The following GABBR2 variants were observed in gnomAD, a reference collection of about 807,000 sequenced individuals.
GABBR2 encodes the protein gamma-aminobutyric acid type B receptor subunit 2.
Under a neutral mutation model 105.6 loss-of-function variants are expected in GABBR2, and 23 were observed. The ratio of observed to expected loss-of-function variants is 0.22; its 90% CI spans 0.16 to 0.31. The LOEUF (loss-of-function observed/expected upper bound fraction) is 0.31. Ranked by LOEUF, GABBR2 falls within the 10% of genes least tolerant of loss-of-function variation. GABBR2 has a pLI of 1.00. For synonymous variants in GABBR2, 478 were observed against 499.7 expected, an observed-to-expected ratio of 0.96 and a Z score of 0.58; for missense variants, 734 against 1,245.5, an observed-to-expected ratio of 0.59 and a Z score of 6.18.
chr9:98,606,007 G>A (rs1829414231), intron 1 of GABBR2, among the ~76,000 whole-genome samples: 1 of 151,782 alleles, frequency 6.6e-6, no homozygotes, highest in Non-Finnish European at 1.5e-5. Flanking sequence ...TCCCACCTAT[G>A]AGTGAGAACA....
intron 7 of GABBR2, among the ~76,000 whole-genome samples, chr9:98,451,985 G>T (rs1168514703): frequency 2.0e-5 from 3 of 152,096 alleles, no homozygotes; most frequent in Non-Finnish European, 4.4e-5. Context: ...AATCCCTCTG[G>T]GCTCGGGCTT....
chr9:98,350,795 G>C (rs1426745898), intron 13 of GABBR2, among the ~76,000 whole-genome samples: 1 of 152,098 alleles, frequency 6.6e-6, no homozygotes, highest in Admixed American at 6.5e-5. Context: ...CTTCTTTGTT[G>C]AGTTTCTGTC....
rs190378878 is a variant in GABBR2 at position 98,566,305 on chromosome 9, A to G, written c.459+11630T>C. 3.3e-5 allele frequency among the ~76,000 whole-genome samples: 5 copies of G among 152,284 alleles called. No individual in the cohort carries two copies. In the South Asian group the frequency reaches 1.0e-3, roughly 32 times the overall value. ...TGAAGTTTGAGAACCACTGCCATAAAAAAAGCCCATTTTTAGTCAATTTTC... is the reference window on the plus strand; with the variant it reads ...TGAAGTTTGAGAACCACTGCCATAAGAAAAGCCCATTTTTAGTCAATTTTC... On this transcript the variant is annotated intron_variant, in intron 2 of 18. Coordinates refer to ENST00000259455, the MANE Select transcript of GABBR2 (RefSeq NM_005458.8).
At chr9:98,706,538 C>T (rs917238145) in intron 1 of GABBR2, among the ~76,000 whole-genome samples, 1 of 152,202 alleles carries the variant, frequency 6.6e-6, no homozygotes, top group African/African-American at 2.4e-5. Context: ...TCCTTTCACT[C>T]AGAAAGTCAT....
At position 98,306,096 on chromosome 9, in the gene GABBR2, C is replaced by G. The variant is rs776796127; in HGVS notation, c.2229+25G>C. On this transcript the variant is annotated intron_variant, in intron 15 of 18. Transcript: ENST00000259455. The surrounding 1 kb of genome is among the most constrained non-coding windows in gnomAD (Gnocchi z 5.4). ...TGTGCTGGAGTCAGAGGGCAGAGGCCAGGTGGTGGGGCCAGCGCCTGTACC... is the reference window on the plus strand; with the variant it reads ...TGTGCTGGAGTCAGAGGGCAGAGGCGAGGTGGTGGGGCCAGCGCCTGTACC... 3 of 1,549,634 alleles carry G rather than the reference C, an allele frequency of 1.9e-6. No homozygotes were observed. The South Asian group carries it at 3.4e-5, about 17-fold the overall frequency.
At chr9:98,617,240 G>A (rs968906107) in intron 1 of GABBR2, among the ~76,000 whole-genome samples, 1 of 152,196 alleles carries the variant, frequency 6.6e-6, no homozygotes, top group Non-Finnish European at 1.5e-5. Context: ...GCCGGCTCTG[G>A]GTTGGGTGCT....
chr9:98,684,183 A>AAAAAAAAG (rs1830592374), intron 1 of GABBR2, among the ~76,000 whole-genome samples: 4 of 147,532 alleles, frequency 2.7e-5, no homozygotes, highest in Non-Finnish European at 3.0e-5. Context: ...AAAAAAAAAA[A>AAAAAAAAG]AAAAAAAAAA....
chr9:98,357,380 G>A (rs757720181), intron 13 of GABBR2, among the ~76,000 whole-genome samples: 17 of 152,264 alleles, frequency 1.1e-4, no homozygotes, highest in Non-Finnish European at 2.1e-4. Context: ...GGGCATGGTG[G>A]CTCATTCCTG....
chr9:98,703,003 T>G (rs912924755), intron 1 of GABBR2, among the ~76,000 whole-genome samples: 4 of 152,224 alleles, frequency 2.6e-5, no homozygotes, highest in Admixed American at 6.5e-5. Context: ...AGGGCAGAAG[T>G]TCTAGGCCTG....
rs570467983 is a variant in GABBR2, at chr9:98,514,500, G to A, written c.631-17986C>T. 5.3e-5 allele frequency among the ~76,000 whole-genome samples: 8 copies of A among 150,520 alleles called. No individual in the cohort carries two copies. The South Asian group carries it at 1.7e-3, about 32-fold the overall frequency. ...AATGATGAGTTCATGTCCTTTGCAG[G>A]GACATGGATGAATCTGGAAACCACC... is the stretch of plus-strand genomic sequence containing the variant. On this transcript the variant is annotated intron_variant, in intron 3 of 18. Transcript: ENST00000259455.
intron 1 of GABBR2, among the ~76,000 whole-genome samples, chr9:98,580,251 C>G (rs1327495023): frequency 6.6e-6 from 1 of 152,164 alleles, no homozygotes; most frequent in African/African-American, 2.4e-5. Flanking sequence ...TCACTCCTTC[C>G]CATCAATCAG....
chr9:98,367,331 A>C (rs1050177791), intron 12 of GABBR2, among the ~76,000 whole-genome samples: 1 of 151,722 alleles, frequency 6.6e-6, no homozygotes, highest in Admixed American at 6.5e-5. Context: ...GGGCCACTAA[A>C]AAAAGTCCAA....
chr9:98,676,436 C>T (rs7033525), intron 1 of GABBR2, among the ~76,000 whole-genome samples: 18 of 152,214 alleles, frequency 1.2e-4, no homozygotes, highest in African/African-American at 3.6e-4. Context: ...TAATATGCCA[C>T]ACCATTATCT....
At chr9:98,314,926 A>G (rs1830690747) in intron 13 of GABBR2, among the ~76,000 whole-genome samples, 1 of 148,246 alleles carries the variant, frequency 6.7e-6, no homozygotes, top group Non-Finnish European at 1.5e-5. Flanking sequence ...AGTCAGCTTG[A>G]CCTCTTTCTC....
intron 1 of GABBR2, among the ~76,000 whole-genome samples, chr9:98,662,958 G>C (rs1300166521): frequency 6.6e-6 from 1 of 152,194 alleles, no homozygotes; most frequent in Non-Finnish European, 1.5e-5. Flanking sequence ...GAGGTGATAT[G>C]TGGGACTGAA....
intron 1 of GABBR2, among the ~76,000 whole-genome samples, chr9:98,690,793 G>A (rs1431802992): frequency 6.6e-6 from 1 of 152,162 alleles, no homozygotes; most frequent in Non-Finnish European, 1.5e-5. Context: ...AGGTCCTAGG[G>A]ACCAACTGTG....
chr9:98,356,146 T>C (rs1037400865), intron 13 of GABBR2, among the ~76,000 whole-genome samples: 2 of 152,204 alleles, frequency 1.3e-5, no homozygotes, highest in Non-Finnish European at 2.9e-5. Flanking sequence ...ATGAGTGTTT[T>C]GATACATCAA....
At chr9:98,489,144 A>C (rs900871729) in intron 4 of GABBR2, among the ~76,000 whole-genome samples, 22 of 152,238 alleles carry the variant, frequency 1.4e-4, no homozygotes, top group Non-Finnish European at 3.1e-4. Flanking sequence ...TTACAAACAC[A>C]GAGAGTAGGC....
In GABBR2 at chr9:98,311,156, C is replaced by T; in HGVS notation, c.1943G>A (p.Cys648Tyr). 1 of 1,613,878 alleles carries T rather than the reference C, an allele frequency of 6.2e-7. No individual in the cohort carries two copies. The highest frequency in any genetic ancestry group is 8.5e-7 in the Non-Finnish European group (1 of 1,179,796). Reference sequence around the variant, plus strand: ...CCAGATGGTCATATGGGTGTTCTCACAGTGCTCCAGGAGAGGGCGGATGGA... The same window carrying T: ...CCAGATGGTCATATGGGTGTTCTCATAGTGCTCCAGGAGAGGGCGGATGGA... ...DISIRPLLEH[C>Y]ENTHMTIWLG... Residue 648 changes from cysteine to tyrosine, a missense_variant, in exon 14 of 19, where the codon TGT becomes TAT. Cys to Tyr is a radical substitution (Grantham distance 194). Around this residue, in one of 7 missense-constraint regions of GABBR2, gnomAD observed 52 missense variants for 81.3 expected, o/e 0.64. Transcript: ENST00000259455.
Sources: gnomAD v4.1 joint callset for allele counts (sites outside exome capture counted in the v4.1 genomes callset) on GRCh38, gnomAD v4.1.1 for gene constraint, gnomAD v4.1.1 regional missense constraint, Gnocchi (gnomAD v3.1) non-coding constraint, MANE v1.5 for transcripts, NCBI Gene and HGNC (gene_info 2026-07-23, HGNC 2026-07-21) for gene names.